OPRM1: variants seen among roughly 807,000 people sequenced by gnomAD.
The protein encoded by OPRM1 is mu-type opioid receptor.
A neutral mutation model predicts 31.8 loss-of-function variants in OPRM1; 27 were observed. That is an observed-to-expected ratio of 0.85 (90% CI 0.63 to 1.17). OPRM1 has a LOEUF of 1.17. Among genes scored for constraint, OPRM1 ranks in the 50% most tolerant of loss-of-function variants. OPRM1 has a pLI of 0.00. For missense variants in OPRM1, 536 were observed against 511.1 expected, an observed-to-expected ratio of 1.05 and a Z score of -0.47; for synonymous variants, 196 against 189.9, an observed-to-expected ratio of 1.03 and a Z score of -0.26.
intron 1 of OPRM1, among the ~76,000 whole-genome samples, chr6:154,072,635 A>G (rs1169872180): frequency 6.6e-6 from 1 of 152,258 alleles, no homozygotes; most frequent in Non-Finnish European, 1.5e-5. Flanking sequence ...ACAGTCATAC[A>G]TTAGTTTATG....
At chr6:154,037,467 G>T (rs1320830257), upstream of OPRM1, among the ~76,000 whole-genome samples, 1 of 151,832 alleles carries the variant, frequency 6.6e-6, no homozygotes, top group Admixed American at 6.6e-5. Context: ...GCAAATTTAG[G>T]TCATTATTTT....
chr6:154,175,239 A>G, intron 3 of OPRM1, among the ~76,000 whole-genome samples: 1 of 152,194 alleles, frequency 6.6e-6, no homozygotes, highest in Non-Finnish European at 1.5e-5. Context: ...TAAAATTGAC[A>G]CCCTAACATC....
exon 1 of OPRM1, chr6:154,010,828 G>T (rs1368893702): frequency 1.5e-6 from 2 of 1,375,634 alleles, no homozygotes; most frequent in Non-Finnish European, 1.9e-6. Context: ...AAGGGCTCCT[G>T]CTTTTCCTGT....
At chr6:154,063,140 T>C (rs1320826144) in intron 1 of OPRM1, among the ~76,000 whole-genome samples, 1 of 152,052 alleles carries the variant, frequency 6.6e-6, no homozygotes, top group Non-Finnish European at 1.5e-5. Context: ...AAATGCACAA[T>C]GCTAACAATG....
upstream of OPRM1, among the ~76,000 whole-genome samples, chr6:154,037,846 T>C (rs940758424): frequency 1.4e-5 from 2 of 143,480 alleles, no homozygotes; most frequent in African/African-American, 6.0e-5. Context: ...TATAAAATGA[T>C]TGACTCCAAG....
chr6:154,132,581 C>T (rs948410418), downstream of OPRM1, among the ~76,000 whole-genome samples: 1 of 152,180 alleles, frequency 6.6e-6, no homozygotes, highest in Non-Finnish European at 1.5e-5. Flanking sequence ...CCATAACTTC[C>T]TAAGCTAGAA....
At chr6:154,196,614 T>C (rs771001087) in intron 3 of OPRM1, among the ~76,000 whole-genome samples, 4 of 152,210 alleles carry the variant, frequency 2.6e-5, no homozygotes, top group Non-Finnish European at 5.9e-5. Flanking sequence ...TAGTGTGTGT[T>C]GTACATATGT....
At chr6:154,206,327 T>C (rs1185375322) in intron 3 of OPRM1, among the ~76,000 whole-genome samples, 5 of 152,192 alleles carry the variant, frequency 3.3e-5, no homozygotes, top group African/African-American at 7.2e-5. Context: ...GCAAAAGCAC[T>C]AGACAAGTGG....
At chr6:154,226,163 G>T (rs1779236797) in intron 3 of OPRM1, among the ~76,000 whole-genome samples, 1 of 151,998 alleles carries the variant, frequency 6.6e-6, no homozygotes, top group African/African-American at 2.4e-5. Flanking sequence ...ACTCTCTATG[G>T]ATGATCATAC....
chr6:154,046,875 C>G (rs2128408519), intron 1 of OPRM1: 1 of 152,290 alleles, frequency 6.6e-6, no homozygotes, highest in East Asian at 1.9e-4. Context: ...CCTATGGCAA[C>G]TTCAATGACT....
intron 1 of OPRM1, among the ~76,000 whole-genome samples, chr6:154,047,408 G>T (rs1014538655): frequency 6.6e-6 from 1 of 152,100 alleles, no homozygotes; most frequent in African/African-American, 2.4e-5. Flanking sequence ...ACCTAAAAGC[G>T]TGACTGGCAA....
chr6:154,030,533 T>TA lies in OPRM1; in HGVS notation c.1-8619dup, dbSNP rs1340899843. Among the ~76,000 whole-genome samples the TA allele has an allele frequency of 6.3e-3, 942 of 150,648 alleles. 6 individuals carry two copies. Among genetic ancestry groups the TA allele is most frequent in the African/African-American group, 0.021 (848 of 41,046 alleles). ...GGAGAAAACAAGTAAAATTATAAGC[T>TA]AAAAAAAAACAGAGTAATAGAAAAT... On this transcript the variant is annotated intron_variant, in intron 1 of 5. Coordinates refer to the OPRM1 transcript ENST00000434900.
At chr6:154,050,506 C>T (rs1781975319) in intron 1 of OPRM1, among the ~76,000 whole-genome samples, 1 of 151,752 alleles carries the variant, frequency 6.6e-6, no homozygotes, top group South Asian at 2.1e-4. Context: ...CACAGAAAGA[C>T]AAACTTTGCA....
intron 1 of OPRM1, among the ~76,000 whole-genome samples, chr6:154,058,919 A>C (rs533196196): frequency 6.6e-6 from 1 of 152,302 alleles, no homozygotes; most frequent in African/African-American, 2.4e-5. Flanking sequence ...AATAAGCCCA[A>C]ATTTGTCCAA....
intron 3 of OPRM1, chr6:154,093,397 G>T: frequency 6.2e-7 from 1 of 1,614,052 alleles, no homozygotes; most frequent in Non-Finnish European, 8.5e-7. Context: ...TCCTGCCTTC[G>T]TGGAAATACT....
chr6:154,088,399 C>A (rs1429361379), intron 1 of OPRM1, among the ~76,000 whole-genome samples: 1 of 152,152 alleles, frequency 6.6e-6, no homozygotes, highest in African/African-American at 2.4e-5. Context: ...CAATTGATGT[C>A]ATTATCTTCA....
At chr6:154,225,969 A>T (rs1272876095) in intron 3 of OPRM1, among the ~76,000 whole-genome samples, 3 of 152,186 alleles carry the variant, frequency 2.0e-5, no homozygotes, top group African/African-American at 7.2e-5. Context: ...GTGACGCTGT[A>T]GCTGCTCCCT....
intron 3 of OPRM1, among the ~76,000 whole-genome samples, chr6:154,187,426 G>A (rs1801485613): frequency 6.6e-6 from 1 of 152,116 alleles, no homozygotes; most frequent in South Asian, 2.1e-4. Flanking sequence ...TTTTTGCCCA[G>A]CTCATGGCAT....
chr6:154,229,094 G>A (rs896353632), intron 3 of OPRM1, among the ~76,000 whole-genome samples: 14 of 152,178 alleles, frequency 9.2e-5, no homozygotes, highest in African/African-American at 3.1e-4. Context: ...TCCAGCCCCA[G>A]GGGCGGCCCT....
Sources: allele counts gnomAD v4.1 joint callset (sites outside exome capture counted in the v4.1 genomes callset), GRCh38; gene constraint gnomAD v4.1.1; transcripts MANE v1.5; gene names NCBI Gene and HGNC (gene_info 2026-07-23, HGNC 2026-07-21).